KIAA1958: variants seen among roughly 807,000 people sequenced by gnomAD.
KIAA1958 encodes the protein uncharacterized protein KIAA1958.
A neutral mutation model predicts 47.2 loss-of-function variants in KIAA1958; 14 were observed. The observed-to-expected ratio is 0.30, with a 90% confidence interval of 0.20 to 0.46. KIAA1958 has a LOEUF of 0.46. Among genes scored for constraint, KIAA1958 ranks in the 20% least tolerant of loss-of-function variants. KIAA1958 has a pLI of 1.00. For synonymous variants in KIAA1958, 354 were observed against 353.3 expected, an observed-to-expected ratio of 1.00 and a Z score of -0.02; for missense variants, 803 against 909.2, an observed-to-expected ratio of 0.88 and a Z score of 1.50.
chr9:112,613,206 G>T (rs967934584), intron 2 of KIAA1958, among the ~76,000 whole-genome samples: 1 of 152,096 alleles, frequency 6.6e-6, no homozygotes, highest in African/African-American at 2.4e-5. Flanking sequence ...TGTCCTATAT[G>T]CTTGTATTGA....
At chr9:112,612,946 G>T (rs750714182) in intron 2 of KIAA1958, among the ~76,000 whole-genome samples, 5 of 152,080 alleles carry the variant, frequency 3.3e-5, no homozygotes, top group Admixed American at 1.3e-4. Flanking sequence ...GAAAGATTAA[G>T]GCAACTGTAT....
chr9:112,554,963 A>T (rs1339985435), intron 1 of KIAA1958, among the ~76,000 whole-genome samples: 1 of 152,240 alleles, frequency 6.6e-6, no homozygotes, highest in Non-Finnish European at 1.5e-5. Context: ...TCTGGAAAAC[A>T]AGAAAGGAGG....
At chr9:112,582,679 A>G (rs1027940641) in intron 2 of KIAA1958, 8 of 152,140 alleles carry the variant, frequency 5.3e-5, no homozygotes. Flanking sequence ...TCCAAAGAAC[A>G]GCTCTTATTT....
intron 1 of KIAA1958, among the ~76,000 whole-genome samples, chr9:112,543,132 G>C (rs1834971311): frequency 6.6e-6 from 1 of 152,156 alleles, no homozygotes; most frequent in African/African-American, 2.4e-5. Context: ...TCTATCTTGA[G>C]CAGATCAAAG....
intron 1 of KIAA1958, among the ~76,000 whole-genome samples, chr9:112,571,737 G>C (rs1835537257): frequency 6.6e-6 from 1 of 151,058 alleles, no homozygotes; most frequent in Admixed American, 6.6e-5. Context: ...AATTGCTTGA[G>C]CCCAGTTCAA....
At chr9:112,637,445 A>G (rs1031598951) in intron 2 of KIAA1958, among the ~76,000 whole-genome samples, 4 of 151,920 alleles carry the variant, frequency 2.6e-5, no homozygotes, top group African/African-American at 7.3e-5. Context: ...GAAGTGGCGC[A>G]ATCTCAGCTC....
chr9:112,659,454 GAAGC>G lies in KIAA1958; in HGVS notation c.1537_1540del (p.Lys513CysfsTer4). On this transcript the variant is annotated frameshift_variant, in exon 4 of 4. Transcript: ENST00000337530. LOFTEE classifies it high-confidence loss of function. ...GCTCCTCCACCAAGAAACTCAAGGAGAAGCTGTGGGTGCTGAGTAAGGCAGGCAT... is the reference window on the plus strand; with the variant it reads ...GCTCCTCCACCAAGAAACTCAAGGAGTGTGGGTGCTGAGTAAGGCAGGCAT... 1 of 1,614,072 alleles carries G rather than the reference GAAGC, an allele frequency of 6.2e-7. No individual in the cohort carries two copies. Among genetic ancestry groups the G allele is most frequent in the East Asian group, 2.2e-5 (1 of 44,880 alleles).
chr9:112,593,533 C>A (rs1052988397), intron 2 of KIAA1958, among the ~76,000 whole-genome samples: 1 of 152,104 alleles, frequency 6.6e-6, no homozygotes, highest in Non-Finnish European at 1.5e-5. Context: ...TTATGTCTGA[C>A]CAGGGATGGA....
intron 2 of KIAA1958, among the ~76,000 whole-genome samples, chr9:112,642,759 T>C (rs757967977): frequency 6.6e-6 from 1 of 152,266 alleles, no homozygotes; most frequent in Non-Finnish European, 1.5e-5. Flanking sequence ...TTTAAAAATA[T>C]CCTCAGCAGC....
At chr9:112,488,209 C>T (rs1833903269) in intron 1 of KIAA1958, among the ~76,000 whole-genome samples, 1 of 152,132 alleles carries the variant, frequency 6.6e-6, no homozygotes, top group African/African-American at 2.4e-5. Flanking sequence ...CCATGAATGT[C>T]AGAATTGAGT....
intron 2 of KIAA1958, among the ~76,000 whole-genome samples, chr9:112,644,488 G>C (rs1836944599): frequency 6.6e-6 from 1 of 152,190 alleles, no homozygotes; most frequent in Admixed American, 6.5e-5. Context: ...AGAACTATTA[G>C]ATGAAGTGTT....
intron 2 of KIAA1958, among the ~76,000 whole-genome samples, chr9:112,593,943 C>T (rs2798313): frequency 0.32 from 49,033 of 151,910 alleles, 8,218 homozygotes; most frequent in African/African-American, 0.42. Context: ...TAGTTCACTA[C>T]AGCCTCGAGC....
chr9:112,556,930 T>C (rs569465186), intron 1 of KIAA1958, among the ~76,000 whole-genome samples: 58 of 152,292 alleles, frequency 3.8e-4, no homozygotes, highest in African/African-American at 1.4e-3. Flanking sequence ...ATATTTCAGA[T>C]CACAGTATTC....
chr9:112,642,516 A>G (rs534922950), intron 2 of KIAA1958, among the ~76,000 whole-genome samples: 82 of 152,258 alleles, frequency 5.4e-4, no homozygotes, highest in Middle Eastern at 3.4e-3. Flanking sequence ...ACGCAGCCGT[A>G]CTTGCCAGCA....
At chr9:112,559,562 G>A (rs1422048558) in intron 1 of KIAA1958, among the ~76,000 whole-genome samples, 2 of 152,134 alleles carry the variant, frequency 1.3e-5, no homozygotes, top group Non-Finnish European at 2.9e-5. Flanking sequence ...TGGAGTCTGG[G>A]GAGGCACATG....
chr9:112,601,520 G>A (rs563889800), intron 2 of KIAA1958, among the ~76,000 whole-genome samples: 1 of 152,090 alleles, frequency 6.6e-6, no homozygotes, highest in Admixed American at 6.6e-5. Context: ...TAAAAATGCA[G>A]ACTCCTCCTT....
At chr9:112,520,084 G>A (rs1187488066) in intron 1 of KIAA1958, among the ~76,000 whole-genome samples, 1 of 152,138 alleles carries the variant, frequency 6.6e-6, no homozygotes, top group African/African-American at 2.4e-5. Flanking sequence ...GCAGTTCTTT[G>A]TCATTTTACA....
At chr9:112,581,588 TA>T (rs1835735945) in intron 2 of KIAA1958, among the ~76,000 whole-genome samples, 1 of 152,100 alleles carries the variant, frequency 6.6e-6, no homozygotes, top group Non-Finnish European at 1.5e-5. Context: ...CGGAGATTAA[TA>T]GGAAAGTCTA....
intron 1 of KIAA1958, among the ~76,000 whole-genome samples, chr9:112,525,387 C>A (rs1378197802): frequency 1.3e-5 from 2 of 152,236 alleles, no homozygotes; most frequent in Non-Finnish European, 2.9e-5. Flanking sequence ...GAAATACATT[C>A]TCTCCTGGAA....
Sources: allele counts gnomAD v4.1 joint callset (sites outside exome capture counted in the v4.1 genomes callset), GRCh38; gene constraint gnomAD v4.1.1; transcripts MANE v1.5; gene names NCBI Gene and HGNC (gene_info 2026-07-23, HGNC 2026-07-21).